The following ABCB10 variants were observed in gnomAD, a reference collection of about 807,000 sequenced individuals.
ABCB10 encodes ATP binding cassette subfamily B member 10, also known as ATP-binding cassette sub-family B member 10, mitochondrial.
A neutral mutation model predicts 65.4 loss-of-function variants in ABCB10; 54 were observed. The ratio of observed to expected loss-of-function variants is 0.83; its 90% CI spans 0.66 to 1.04. The LOEUF (loss-of-function observed/expected upper bound fraction) is 1.04, where lower values mean the gene tolerates loss of function less well. Ranked by LOEUF, ABCB10 falls within the 50% of genes least tolerant of loss-of-function variation. The pLI, the probability that ABCB10 is intolerant of heterozygous loss-of-function variation, is 0.00. For missense variants in ABCB10, 846 were observed against 976.6 expected (o/e 0.87, Z 1.78); for synonymous variants, 418 against 406.5 (o/e 1.03, Z -0.34).
intron 1 of ABCB10, among the ~76,000 whole-genome samples, chr1:229,557,258 C>G (rs933327098): frequency 6.6e-6 from 1 of 152,144 alleles, no homozygotes; most frequent in African/African-American, 2.4e-5. Flanking sequence ...CTTCCACAGC[C>G]CACAGGTGCA....
intron 1 of ABCB10, among the ~76,000 whole-genome samples, chr1:229,550,830 C>T (rs1571978706): frequency 6.6e-6 from 1 of 151,608 alleles, no homozygotes; most frequent in African/African-American, 2.4e-5. Context: ...TGCTGCTACA[C>T]TCCAGCCTGG....
In ABCB10 at chr1:229,526,123, A is replaced by T. The variant is rs375038821; in HGVS notation, c.1726-7T>A. 362 of 1,606,532 alleles carry T rather than the reference A, an allele frequency of 2.3e-4. No homozygotes were observed. The highest frequency in any genetic ancestry group is 1.3e-3 in the South Asian group (117 of 89,722). Reference sequence around the variant, plus strand: ...AAGAAAACAAAATGGGTTCCTACAAATTGGAAATAAAACATATCACGAATT... The same window carrying T: ...AAGAAAACAAAATGGGTTCCTACAATTTGGAAATAAAACATATCACGAATT... On this transcript the variant is annotated splice_polypyrimidine_tract_variant and splice_region_variant and intron_variant, in intron 9 of 12. Coordinates refer to ENST00000344517, the MANE Select transcript of ABCB10 (RefSeq NM_012089.3).
Position 229,533,096 on chromosome 1 carries a change from C to T in ABCB10, c.1340-1365G>A, listed in dbSNP as rs186427529. Among the ~76,000 whole-genome samples, 18 of 152,190 alleles carry T rather than the reference C, an allele frequency of 1.2e-4. No individual in the cohort carries two copies. The East Asian group carries it at 3.5e-3, about 29-fold the overall frequency. On this transcript the variant is annotated intron_variant, in intron 6 of 12. Coordinates refer to ENST00000344517, the MANE Select transcript of ABCB10 (RefSeq NM_012089.3). ...TGCTGGAATTACAAGTGTGTGTCAC[C>T]GTCCCTGGTCTCTAGCCATCCCTTT...
chr1:229,530,470 C>T (rs1662557248), intron 7 of ABCB10, 62 bp from the exon 8 acceptor site: 11 of 1,563,822 alleles, frequency 7.0e-6, no homozygotes, highest in Admixed American at 5.1e-5. Flanking sequence ...AAGCTGAACT[C>T]GGTTCTCCTA....
intron 11 of ABCB10, 41 bp downstream of exon 11, chr1:229,521,551 A>G (rs1448361838): frequency 6.4e-7 from 1 of 1,559,138 alleles, no homozygotes; most frequent in Non-Finnish European, 8.7e-7. Context: ...TAATAAAAAT[A>G]ATCCCTAATT....
At chr1:229,531,950 T>TG (rs1662597438) in intron 6 of ABCB10, 1 of 286,722 alleles carries the variant, frequency 3.5e-6, no homozygotes, top group Non-Finnish European at 6.3e-6. Context: ...TTTCATAGTT[T>TG]TTTTTTTTTT....
intron 1 of ABCB10, chr1:229,550,048 G>C (rs1377416663): frequency 1.3e-5 from 2 of 152,292 alleles, no homozygotes; most frequent in African/African-American, 4.8e-5. Context: ...ACCCATTCCA[G>C]ATAACTTTTG....
chr1:229,523,763 A>G (rs935566493), intron 10 of ABCB10, among the ~76,000 whole-genome samples: 3 of 152,186 alleles, frequency 2.0e-5, no homozygotes, highest in Non-Finnish European at 2.9e-5. Context: ...AGGGAAGGAC[A>G]TGCAGAATCT....
At position 229,558,636 on chromosome 1, in the gene ABCB10, G is replaced by A; in HGVS notation, c.17C>T (p.Ala6Val). ...TGGCTCGAGCAGCCGCAGCGGCCAG[G>A]CAGGGGGGCCTCGCATGGCGCTGCG... MRGPP[A>V]WPLRLLEPPS... Residue 6 changes from alanine (A) to valine (V), a missense_variant, in exon 1 of 13, where the codon GCC becomes GTC. By Grantham distance (64) the Ala-to-Val change is moderately conservative. Transcript: ENST00000344517. 1.4e-6 allele frequency: 2 copies of A among 1,381,124 alleles called. No homozygotes were observed. The highest frequency in any genetic ancestry group is 2.7e-4 in the Middle Eastern group (1 of 3,762). 85.6% of individuals were successfully genotyped at this position (1,381,124 alleles called of 1,614,324 possible).
intron 1 of ABCB10, among the ~76,000 whole-genome samples, chr1:229,555,393 T>C (rs1663223495): frequency 1.3e-5 from 2 of 152,272 alleles, no homozygotes; most frequent in Non-Finnish European, 2.9e-5. Context: ...AAAGGGACCT[T>C]ACATCTGTAT....
intron 4 of ABCB10, among the ~76,000 whole-genome samples, chr1:229,541,772 T>C (rs1254824066): frequency 6.6e-6 from 1 of 151,766 alleles, no homozygotes; most frequent in Non-Finnish European, 1.5e-5. Context: ...AGATCATGTC[T>C]CTACAAAAAA....
intron 10 of ABCB10, 150 bp from the exon 11 acceptor site, chr1:229,521,785 G>C: frequency 1.5e-6 from 1 of 679,444 alleles, no homozygotes; most frequent in South Asian, 2.3e-5. Flanking sequence ...TTAAAATATA[G>C]GTTTAAAATA....
intron 11 of ABCB10, chr1:229,519,173 G>T: frequency 4.2e-6 from 1 of 236,680 alleles, no homozygotes; most frequent in East Asian, 8.5e-5. Flanking sequence ...GGGGGGTGAT[G>T]AAAATGTTTT....
At position 229,530,298 on chromosome 1, in the gene ABCB10, A is replaced by G; in HGVS notation, c.1546T>C (p.Ser516Pro). ...GCCGTGACAGATCCTGACGGAATGG[A>G]AAGGCTGAAATCCTGAAATATGGGC... Reference protein sequence around the residue: ...EVPIFQDFSLSIPSGSVTALV... With the variant: ...EVPIFQDFSLPIPSGSVTALV... The change falls in exon 8 of 13, where the codon TCC (serine) becomes CCC (proline). Residue 516 changes from serine (S) to proline (P), a missense_variant. By Grantham distance (74) the Ser-to-Pro change is moderately conservative. Coordinates refer to ENST00000344517, the MANE Select transcript of ABCB10 (RefSeq NM_012089.3). The G allele has an allele frequency of 6.2e-7, 1 of 1,614,190 alleles. No homozygotes were observed. Among genetic ancestry groups the G allele is most frequent in the Non-Finnish European group, 8.5e-7 (1 of 1,180,036 alleles).
Position 229,531,648 on chromosome 1 carries a change from GCTTGGGCTCTCTCT to G in ABCB10, c.1409_1422del (p.Glu470AlafsTer4). The G allele has an allele frequency of 6.2e-7, 1 of 1,613,820 alleles. No homozygotes were observed. The highest frequency in any genetic ancestry group is 2.2e-5 in the East Asian group (1 of 44,866). On this transcript the variant is annotated frameshift_variant, in exon 7 of 13. Coordinates refer to ENST00000344517, the MANE Select transcript of ABCB10 (RefSeq NM_012089.3). LOFTEE classifies it high-confidence loss of function. ...TTTTCAGACCCACCGTTAAAAGGCA[GCTTGGGCTCTCTCT>G]CCAGGAGCTCCCAGAGGCGCCCCCC...
At chr1:229,546,323 A>G (rs1662966636) in intron 3 of ABCB10, among the ~76,000 whole-genome samples, 1 of 152,060 alleles carries the variant, frequency 6.6e-6, no homozygotes, top group South Asian at 2.1e-4. Flanking sequence ...TACCAAATAC[A>G]TGGTAATTGA....
At chr1:229,529,121 C>T (rs1349094182) in intron 8 of ABCB10, among the ~76,000 whole-genome samples, 1 of 149,044 alleles carries the variant, frequency 6.7e-6, no homozygotes, top group Non-Finnish European at 1.5e-5. Context: ...GAAACCCCAT[C>T]TCTACTAAAA....
At chr1:229,518,728 G>A (rs1209538927) in intron 12 of ABCB10, 113 bp downstream of exon 12, 3 of 975,844 alleles carry the variant, frequency 3.1e-6, no homozygotes, top group South Asian at 1.7e-5. Flanking sequence ...GAGTAAAGGG[G>A]GGAAAAAGGA....
chr1:229,552,295 C>T (rs1404602333), intron 1 of ABCB10, among the ~76,000 whole-genome samples: 1 of 152,182 alleles, frequency 6.6e-6, no homozygotes, highest in African/African-American at 2.4e-5. Flanking sequence ...TTTAGACTTG[C>T]TCCATAAACA....
Sources: gnomAD v4.1 joint callset for allele counts (sites outside exome capture counted in the v4.1 genomes callset) on GRCh38, gnomAD v4.1.1 for gene constraint, MANE v1.5 for transcripts, NCBI Gene and HGNC (gene_info 2026-07-23, HGNC 2026-07-21) for gene names.